The following NIF3L1 variants were observed in gnomAD, a reference collection of about 807,000 sequenced individuals.
The protein encoded by NIF3L1 is NIF3-like protein 1.
A neutral mutation model predicts 35.0 loss-of-function variants in NIF3L1; 26 were observed. The observed-to-expected ratio is 0.74, with a 90% CI of 0.54 to 1.03. The LOEUF is 1.03. NIF3L1 is among the 50% of genes least tolerant of loss of function. The pLI, the probability that NIF3L1 is intolerant of heterozygous loss-of-function variation, is 0.00. For synonymous variants in NIF3L1, 157 were observed against 178.9 expected (o/e 0.88, Z 0.98); for missense variants, 449 against 466.3 (o/e 0.96, Z 0.34).
At chr2:200,902,963 T>A (rs1017044559) in intron 6 of NIF3L1, among the ~76,000 whole-genome samples, 1 of 152,114 alleles carries the variant, frequency 6.6e-6, no homozygotes, top group Non-Finnish European at 1.5e-5. Context: ...TGCCTTGGGG[T>A]CTGCTAAGGA....
chr2:200,892,429 C>T, intron 2 of NIF3L1, 50 bp downstream of exon 2: 1 of 1,420,210 alleles, frequency 7.0e-7, no homozygotes, highest in Non-Finnish European at 9.4e-7. Context: ...TACTTTGAAA[C>T]TTTAGGATGT....
intron 5 of NIF3L1, among the ~76,000 whole-genome samples, chr2:200,897,841 C>T (rs1195601018): frequency 6.6e-6 from 1 of 152,300 alleles, no homozygotes; most frequent in East Asian, 1.9e-4. Context: ...TAGCACTGTA[C>T]TGATTGTCTG....
Position 200,903,669 on chromosome 2 carries a change from G to A in NIF3L1, c.1125G>A (p.Gln375=). Residue 375 remains glutamine, a synonymous_variant, in exon 7 of 7, where the codon CAG becomes CAA. Transcript: ENST00000409020. ...CAGAGACTGACAGGGACCCTCTTCAGGTGGTATAATTGCAGAAACATCAGG... is the reference window on the plus strand; with the variant it reads ...CAGAGACTGACAGGGACCCTCTTCAAGTGGTATAATTGCAGAAACATCAGG... ...ILSETDRDPL[Q]VV is the part of the protein sequence containing the mutation. 3 of 1,612,968 alleles carry A rather than the reference G, an allele frequency of 1.9e-6. No individual in the cohort carries two copies. Among genetic ancestry groups the A allele is most frequent in the Non-Finnish European group, 2.5e-6 (3 of 1,178,904 alleles).
Position 200,895,339 on chromosome 2 carries a change from T to C in NIF3L1, c.675T>C (p.Leu225=). The C allele has an allele frequency of 6.2e-7, 1 of 1,614,062 alleles. No homozygotes were observed. Among genetic ancestry groups the C allele is most frequent in the Non-Finnish European group, 8.5e-7 (1 of 1,179,936 alleles). The change falls in exon 4 of 7, where the codon CTT becomes CTC. Residue 225 remains leucine (L), a synonymous_variant. Coordinates refer to ENST00000409020, the MANE Select transcript of NIF3L1 (RefSeq NM_001369441.2). ...CTTTGATGCAGGTGGTAGATTTTCTTTCCCGGAACAAACAACTTTATCAGA... is the reference window on the plus strand; with the variant it reads ...CTTTGATGCAGGTGGTAGATTTTCTCTCCCGGAACAAACAACTTTATCAGA... ...QKALMQVVDF[L]SRNKQLYQKT...
In NIF3L1 at chr2:200,897,050, C is replaced by T. The variant is rs1338155768; in HGVS notation, c.727-26C>T. 6.8e-6 allele frequency: 11 copies of T among 1,610,746 alleles called. No individual in the cohort carries two copies. In the East Asian group the frequency reaches 1.1e-4, roughly 16 times the overall value. ...TTGTTTTAGGACTAACAATGCACAC[C>T]GTTTCTAACTTCTGTTTCTCCTCAG... On this transcript the variant is annotated intron_variant, in intron 4 of 6. Coordinates refer to ENST00000409020, the MANE Select transcript of NIF3L1 (RefSeq NM_001369441.2).
At chr2:200,902,492 C>A (rs964239098) in intron 6 of NIF3L1, among the ~76,000 whole-genome samples, 2 of 152,044 alleles carry the variant, frequency 1.3e-5, no homozygotes, top group Non-Finnish European at 2.9e-5. Context: ...CACTTGAACC[C>A]AGGAGGCAGA....
chr2:200,899,542 G>A (rs2040378426), intron 6 of NIF3L1, 74 bp downstream of exon 6: 1 of 984,430 alleles, frequency 1.0e-6, no homozygotes, highest in African/African-American at 1.6e-5. Context: ...GACAGTACCT[G>A]GCACATAGAT....
In NIF3L1 at chr2:200,893,267, T is replaced by C; in HGVS notation, c.458T>C (p.Ile153Thr). The C allele has an allele frequency of 6.4e-7, 1 of 1,562,934 alleles. No homozygotes were observed. Among genetic ancestry groups the C allele is most frequent in the Non-Finnish European group, 8.7e-7 (1 of 1,152,902 alleles). ...KGLGACTSRP[I>T]HPSKAPNYPT... Reference sequence around the variant, plus strand: ...CTAGGAGCTTGTACCTCCAGGCCCATACATCCTTCCAAAGCTCCCAACTAC... The same window carrying C: ...CTAGGAGCTTGTACCTCCAGGCCCACACATCCTTCCAAAGCTCCCAACTAC... Residue 153 changes from isoleucine to threonine, a missense_variant, in exon 3 of 7, where the codon ATA becomes ACA. Physicochemically the swap from Ile to Thr is moderately conservative, Grantham distance 89 (BLOSUM62 -1). Transcript: ENST00000409020.
chr2:200,890,174 A>G (rs2040143244), intron 1 of NIF3L1, among the ~76,000 whole-genome samples: 1 of 152,176 alleles, frequency 6.6e-6, no homozygotes, highest in African/African-American at 2.4e-5. Context: ...CCTGGGCAAC[A>G]TGGCGAATCC....
Position 200,892,048 on chromosome 2 carries a change from T to C in NIF3L1, c.105T>C (p.Ser35=), listed in dbSNP as rs959895015. 1 of 1,614,214 alleles carries C rather than the reference T, an allele frequency of 6.2e-7. No individual in the cohort carries two copies. Among genetic ancestry groups the C allele is most frequent in the Non-Finnish European group, 8.5e-7 (1 of 1,180,026 alleles). ...RSFMDLKALL[S]SLNDFASLSF... ...TCATGGATTTGAAGGCTCTCCTTTC[T>C]TCCTTGAATGACTTTGCATCCCTCT... Residue 35 remains serine (S), a synonymous_variant, in exon 2 of 7, where the codon TCT becomes TCC. Coordinates refer to ENST00000409020, the MANE Select transcript of NIF3L1 (RefSeq NM_001369441.2).
intron 1 of NIF3L1, 88 bp downstream of exon 1, chr2:200,889,740 T>A (rs2040127464): frequency 6.6e-6 from 1 of 152,378 alleles, no homozygotes. Context: ...GGACGGGAGT[T>A]GTTTCCAGCT....
chr2:200,899,494 GGTTT>G (rs2040377859), intron 6 of NIF3L1, 26 bp downstream of exon 6: 2 of 1,602,248 alleles, frequency 1.2e-6, no homozygotes, highest in Admixed American at 1.7e-5. Flanking sequence ...GATCTCTCTT[GGTTT>G]ATTTTTTGCA....
At position 200,892,065 on chromosome 2, in the gene NIF3L1, C is replaced by T. The variant is rs375055273; in HGVS notation, c.122C>T (p.Ala41Val). 7.4e-6 allele frequency: 12 copies of T among 1,614,090 alleles called. No homozygotes were observed. The highest frequency in any genetic ancestry group is 1.3e-5 in the African/African-American group (1 of 74,932). ...KALLSSLNDF[A>V]SLSFAESWDN... ...CTCCTTTCTTCCTTGAATGACTTTGCATCCCTCTCGTTTGCTGAGAGTTGG... is the reference window on the plus strand; with the variant it reads ...CTCCTTTCTTCCTTGAATGACTTTGTATCCCTCTCGTTTGCTGAGAGTTGG... Residue 41 changes from alanine (A) to valine (V), a missense_variant, in exon 2 of 7, where the codon GCA becomes GTA. Coordinates refer to ENST00000409020, the MANE Select transcript of NIF3L1 (RefSeq NM_001369441.2).
intron 5 of NIF3L1, among the ~76,000 whole-genome samples, 181 bp downstream of exon 5, chr2:200,897,395 C>T (rs1279525762): frequency 6.6e-6 from 1 of 152,042 alleles, no homozygotes. Context: ...TTGACTTAAT[C>T]AATGAGATTT....
intron 2 of NIF3L1, 113 bp from the exon 3 acceptor site, chr2:200,893,133 G>T: frequency 4.0e-6 from 3 of 754,492 alleles, no homozygotes; most frequent in Non-Finnish European, 6.3e-6. Flanking sequence ...GTAAGCATGA[G>T]AATGAATCTT....
At chr2:200,893,206 A>G (rs374188399) in intron 2 of NIF3L1, 40 bp from the exon 3 acceptor site, 2 of 1,440,986 alleles carry the variant, frequency 1.4e-6, no homozygotes, top group Non-Finnish European at 1.8e-6. Flanking sequence ...TTAATCTCTC[A>G]CCCCCCAAAA....
intron 4 of NIF3L1, 33 bp from the exon 5 acceptor site, chr2:200,897,043 T>C (rs2040328478): frequency 1.2e-6 from 2 of 1,610,092 alleles, no homozygotes; most frequent in Non-Finnish European, 1.7e-6. Context: ...GGACTAACAA[T>C]GCACACCGTT....
At chr2:200,893,748 C>A (rs1019268297) in intron 3 of NIF3L1, among the ~76,000 whole-genome samples, 1 of 152,146 alleles carries the variant, frequency 6.6e-6, no homozygotes, top group Non-Finnish European at 1.5e-5. Context: ...TTTATTGGTT[C>A]CCAGCAAATC....
intron 3 of NIF3L1, among the ~76,000 whole-genome samples, chr2:200,894,020 C>T (rs936842962): frequency 2.0e-5 from 3 of 151,864 alleles, no homozygotes; most frequent in Admixed American, 6.6e-5. Context: ...ACTAAAAATA[C>T]AAAATTAGCT....
Sources: gnomAD v4.1 joint callset for allele counts (sites outside exome capture counted in the v4.1 genomes callset) on GRCh38, gnomAD v4.1.1 for gene constraint, MANE v1.5 for transcripts, NCBI Gene and HGNC (gene_info 2026-07-23, HGNC 2026-07-21) for gene names.